AUTS2: variants seen among roughly 807,000 people sequenced by gnomAD.
The protein encoded by AUTS2 is activator of transcription and developmental regulator AUTS2.
A neutral mutation model predicts 112.4 loss-of-function variants in AUTS2; 17 were observed. That is an observed-to-expected ratio of 0.15 (90% CI 0.10 to 0.23). The LOEUF (loss-of-function observed/expected upper bound fraction) is 0.23. AUTS2 is among the 10% of genes least tolerant of loss of function. The pLI, the probability that AUTS2 is intolerant of heterozygous loss-of-function variation, is 1.00. For missense variants in AUTS2, 1,510 were observed against 1,701.6 expected (o/e 0.89, Z 1.98); for synonymous variants, 751 against 702.7 (o/e 1.07, Z -1.09).
At chr7:70,417,285 C>A (rs991381700) in intron 4 of AUTS2, among the ~76,000 whole-genome samples, 3 of 152,184 alleles carry the variant, frequency 2.0e-5, no homozygotes, top group African/African-American at 7.2e-5. Context: ...GAGAGGAAAA[C>A]CATTTTGCAA....
intron 5 of AUTS2, among the ~76,000 whole-genome samples, chr7:70,622,001 G>A (rs999399869): frequency 2.0e-5 from 3 of 151,730 alleles, no homozygotes; most frequent in African/African-American, 4.8e-5. Flanking sequence ...TGTGCGTCAC[G>A]ACACCCGGCT....
chr7:70,183,201 G>GA (rs948876891), intron 4 of AUTS2, among the ~76,000 whole-genome samples: 208 of 151,430 alleles, frequency 1.4e-3, no homozygotes, highest in African/African-American at 4.8e-3. Context: ...CTTCAGATGA[G>GA]AAAAAAAAAT....
At chr7:70,646,725 T>A (rs1253499400) in intron 5 of AUTS2, among the ~76,000 whole-genome samples, 1 of 152,242 alleles carries the variant, frequency 6.6e-6, no homozygotes, top group Non-Finnish European at 1.5e-5. Context: ...TTGACTCCGA[T>A]GCAGTGCCAG....
intron 1 of AUTS2, among the ~76,000 whole-genome samples, chr7:69,707,073 C>T (rs1584106935): frequency 6.6e-6 from 1 of 152,170 alleles, no homozygotes; most frequent in Non-Finnish European, 1.5e-5. Context: ...CTGAATTACT[C>T]CTTAACTTGA....
intron 4 of AUTS2, among the ~76,000 whole-genome samples, chr7:70,340,093 T>C (rs1336721178): frequency 1.3e-5 from 2 of 151,760 alleles, no homozygotes; most frequent in East Asian, 3.9e-4. Flanking sequence ...GGGATAATAA[T>C]ACATACATAG....
chr7:69,834,920 A>G (rs1402092747), intron 1 of AUTS2, among the ~76,000 whole-genome samples: 4 of 151,982 alleles, frequency 2.6e-5, no homozygotes, highest in Non-Finnish European at 5.9e-5. Flanking sequence ...TTATGTTCAC[A>G]CTTTTCCTTT....
intron 1 of AUTS2, among the ~76,000 whole-genome samples, chr7:69,602,543 T>C (rs1390494161): frequency 6.6e-6 from 1 of 152,194 alleles, no homozygotes; most frequent in Non-Finnish European, 1.5e-5. Context: ...TTTCATCTAT[T>C]TCCTCTCCCA....
chr7:70,519,560 GACAA>G (rs1236266319), intron 5 of AUTS2, among the ~76,000 whole-genome samples: 1 of 152,122 alleles, frequency 6.6e-6, no homozygotes, highest in Non-Finnish European at 1.5e-5. Flanking sequence ...TGTTAAATAT[GACAA>G]ACTAACTTTG....
intron 2 of AUTS2, among the ~76,000 whole-genome samples, chr7:69,921,327 G>GTTT (rs11289784): frequency 7.0e-4 from 63 of 90,394 alleles, no homozygotes; most frequent in African/African-American, 2.3e-3. Context: ...TAGACTTGAA[G>GTTT]TTTTTTTTTT....
intron 4 of AUTS2, among the ~76,000 whole-genome samples, chr7:70,401,008 A>G (rs528814201): frequency 5.5e-4 from 84 of 152,316 alleles, no homozygotes; most frequent in African/African-American, 1.9e-3. Context: ...CAATCCCGGC[A>G]GGAGATAATG....
intron 1 of AUTS2, among the ~76,000 whole-genome samples, chr7:69,602,018 G>GTATATA (rs765066810): frequency 4.8e-3 from 110 of 22,724 alleles, no homozygotes; most frequent in Middle Eastern, 0.016. Flanking sequence ...ATATGTGTGT[G>GTATATA]TGTATATATA....
intron 6 of AUTS2, among the ~76,000 whole-genome samples, chr7:70,730,601 C>A (rs1285025470): frequency 1.3e-5 from 2 of 152,146 alleles, no homozygotes; most frequent in Non-Finnish European, 2.9e-5. Flanking sequence ...TTTTTAATTG[C>A]CAAATAATAT....
chr7:70,743,483 A>C (rs1788246222), intron 6 of AUTS2, among the ~76,000 whole-genome samples: 1 of 151,710 alleles, frequency 6.6e-6, no homozygotes. Flanking sequence ...AAAAAAAAAA[A>C]AAAAAAAAAA....
Position 70,718,481 on chromosome 7 carries a change from G to A in AUTS2, c.742+19861G>A, listed in dbSNP as rs374761706. Among the ~76,000 whole-genome samples, 6 of 152,270 alleles carry A rather than the reference G, an allele frequency of 3.9e-5. No individual in the cohort carries two copies. In the East Asian group the frequency reaches 9.7e-4, roughly 24 times the overall value. Reference sequence around the variant, plus strand: ...AGTTGGAGACTAGCCTGGCCAACATGGCAAAACACCGTCTCTACAAAAATA... The same window carrying A: ...AGTTGGAGACTAGCCTGGCCAACATAGCAAAACACCGTCTCTACAAAAATA... On this transcript the variant is annotated intron_variant, in intron 6 of 18. Coordinates refer to ENST00000342771, the MANE Select transcript of AUTS2 (RefSeq NM_015570.4).
intron 1 of AUTS2, among the ~76,000 whole-genome samples, chr7:69,640,125 CATGTAT>C (rs533260401): frequency 6.0e-4 from 92 of 152,226 alleles, no homozygotes; most frequent in African/African-American, 2.1e-3. Context: ...AGTAACCAAA[CATGTAT>C]TGCTGACAGT....
At chr7:69,736,716 T>A (rs1787045005) in intron 1 of AUTS2, among the ~76,000 whole-genome samples, 1 of 152,192 alleles carries the variant, frequency 6.6e-6, no homozygotes, top group African/African-American at 2.4e-5. Context: ...ACACTCCAGA[T>A]TCTCTGCAGA....
chr7:70,173,930 G>A (rs528426552), intron 4 of AUTS2, among the ~76,000 whole-genome samples: 1 of 151,906 alleles, frequency 6.6e-6, no homozygotes, highest in Non-Finnish European at 1.5e-5. Context: ...ATTGAAATTA[G>A]GTCAGTTAAT....
chr7:69,643,316 C>G (rs1794875474), intron 1 of AUTS2: 1 of 153,534 alleles, frequency 6.5e-6, no homozygotes, highest in Admixed American at 6.5e-5. Flanking sequence ...AGTCACAGGT[C>G]CCTCCCACGC....
intron 4 of AUTS2, among the ~76,000 whole-genome samples, chr7:70,219,245 A>G (rs1432950351): frequency 1.3e-5 from 2 of 152,208 alleles, no homozygotes; most frequent in Non-Finnish European, 2.9e-5. Context: ...TTAAGACACA[A>G]TGAGCATCAA....
Sources: gnomAD v4.1 joint callset for allele counts (sites outside exome capture counted in the v4.1 genomes callset) on GRCh38, gnomAD v4.1.1 for gene constraint, MANE v1.5 for transcripts, NCBI Gene and HGNC (gene_info 2026-07-23, HGNC 2026-07-21) for gene names.